The following SORCS2 variants were observed in gnomAD, a reference collection of about 807,000 sequenced individuals.
SORCS2 encodes VPS10 domain-containing receptor SorCS2.
A neutral mutation model predicts 141.6 loss-of-function variants in SORCS2; 100 were observed. The observed-to-expected ratio is 0.71, with a 90% confidence interval of 0.60 to 0.83. The LOEUF (loss-of-function observed/expected upper bound fraction) is 0.83. Ranked by LOEUF, SORCS2 falls within the 40% of genes least tolerant of loss-of-function variation. The pLI, the probability that SORCS2 is intolerant of heterozygous loss-of-function variation, is 0.00. For synonymous variants in SORCS2, 789 were observed against 676.9 expected, an observed-to-expected ratio of 1.17 and a Z score of -2.57; for missense variants, 1,646 against 1,560.2, an observed-to-expected ratio of 1.05 and a Z score of -0.93.
chr4:7,516,026 G>A (rs78572297), intron 2 of SORCS2, among the ~76,000 whole-genome samples: 5,490 of 152,276 alleles, frequency 0.036, 309 homozygotes, highest in African/African-American at 0.12. Flanking sequence ...TCAAGTGGGC[G>A]TTAGCAGTAC....
intron 1 of SORCS2, among the ~76,000 whole-genome samples, chr4:7,299,628 A>T (rs916321314): frequency 3.3e-5 from 5 of 152,166 alleles, no homozygotes; most frequent in Non-Finnish European, 5.9e-5. Context: ...ATGGGAAGGG[A>T]GCACGTCTCA....
At chr4:7,433,507 T>C (rs758855606) in intron 2 of SORCS2, 2 of 1,603,066 alleles carry the variant, frequency 1.2e-6, no homozygotes, top group Non-Finnish European at 1.7e-6. Flanking sequence ...AGCCACGGGG[T>C]CCATCATGTC....
chr4:7,338,850 C>G (rs748858507), intron 1 of SORCS2, among the ~76,000 whole-genome samples: 17 of 152,224 alleles, frequency 1.1e-4, no homozygotes, highest in Non-Finnish European at 1.6e-4. Context: ...AAAGCTGTTG[C>G]TCCTGGGCCT....
In SORCS2 at chr4:7,665,283, G is replaced by A. The variant is rs560506934; in HGVS notation, c.1071+812G>A. Among the ~76,000 whole-genome samples the A allele has an allele frequency of 2.0e-5, 3 of 152,256 alleles. No homozygotes were observed. In the South Asian group the frequency reaches 6.2e-4, roughly 32 times the overall value. On this transcript the variant is annotated intron_variant, in intron 7 of 26. Transcript: ENST00000507866. ...TCAGTCTGTGCCAAGGGCCACCAAG[G>A]AGTTAGGCGCTAGGGCAGGCAGTGG...
At chr4:7,295,854 G>T (rs1717013828) in intron 1 of SORCS2, among the ~76,000 whole-genome samples, 1 of 152,236 alleles carries the variant, frequency 6.6e-6, no homozygotes, top group African/African-American at 2.4e-5. Flanking sequence ...GGCTGATGGA[G>T]CAGCATGCCC....
intron 1 of SORCS2, among the ~76,000 whole-genome samples, chr4:7,212,503 T>C (rs970872511): frequency 1.3e-5 from 2 of 152,224 alleles, no homozygotes; most frequent in Non-Finnish European, 2.9e-5. Context: ...CTAGGCGTTC[T>C]AACATAGGCA....
intron 10 of SORCS2, among the ~76,000 whole-genome samples, chr4:7,684,622 CAT>C (rs1433096051): frequency 5.3e-5 from 8 of 152,196 alleles, no homozygotes; most frequent in Non-Finnish European, 1.2e-4. Context: ...TCAGCTTCCT[CAT>C]GTGTAAAATA....
chr4:7,436,795 A>T (rs1727333767), intron 2 of SORCS2, among the ~76,000 whole-genome samples: 1 of 152,214 alleles, frequency 6.6e-6, no homozygotes, highest in Admixed American at 6.5e-5. Context: ...CTTGGGAGCC[A>T]GTAGAAGTAA....
At chr4:7,662,389 C>A (rs1214408345) in intron 6 of SORCS2, among the ~76,000 whole-genome samples, 2 of 152,100 alleles carry the variant, frequency 1.3e-5, no homozygotes, top group Non-Finnish European at 2.9e-5. Flanking sequence ...TGGGAATGCT[C>A]CTCCCTTTCT....
At chr4:7,667,342 C>T (rs186860747) in intron 8 of SORCS2, 129 bp downstream of exon 8, 120 of 811,720 alleles carry the variant, frequency 1.5e-4, no homozygotes, top group East Asian at 1.3e-3. Context: ...AGTGTGGCCA[C>T]GCTTCGTCCA....
chr4:7,298,665 G>A (rs1340967441), intron 1 of SORCS2, among the ~76,000 whole-genome samples: 1 of 152,178 alleles, frequency 6.6e-6, no homozygotes, highest in Non-Finnish European at 1.5e-5. Flanking sequence ...CAGCCATGCC[G>A]CTGGTGTCAT....
intron 2 of SORCS2, among the ~76,000 whole-genome samples, chr4:7,424,295 C>T (rs893756178): frequency 1.6e-4 from 24 of 152,166 alleles, no homozygotes; most frequent in African/African-American, 5.1e-4. Context: ...ATTGTAGATC[C>T]TTCAGGAAAC....
intron 14 of SORCS2, among the ~76,000 whole-genome samples, chr4:7,707,359 C>T (rs1274134785): frequency 4.6e-5 from 7 of 152,124 alleles, no homozygotes; most frequent in Non-Finnish European, 1.0e-4. Flanking sequence ...GGAAGCTGGA[C>T]GTCGGATTTA....
chr4:7,639,209 G>A (rs1377992503), intron 4 of SORCS2, among the ~76,000 whole-genome samples: 1 of 152,192 alleles, frequency 6.6e-6, no homozygotes, highest in Non-Finnish European at 1.5e-5. Context: ...AACTTATTCT[G>A]TCACAATTCT....
intron 2 of SORCS2, among the ~76,000 whole-genome samples, chr4:7,459,098 G>C (rs565390086): frequency 1.3e-5 from 2 of 152,232 alleles, no homozygotes; most frequent in Admixed American, 1.3e-4. Flanking sequence ...ACACTCTTCT[G>C]TGTGCGCAAA....
intron 1 of SORCS2, among the ~76,000 whole-genome samples, chr4:7,314,124 G>C (rs998769315): frequency 1.6e-4 from 25 of 152,234 alleles, no homozygotes; most frequent in African/African-American, 5.5e-4. Context: ...GCCTGGAGTC[G>C]GGATCCTCCC....
At chr4:7,383,032 A>G (rs1028614282) in intron 1 of SORCS2, among the ~76,000 whole-genome samples, 16 of 152,184 alleles carry the variant, frequency 1.1e-4, no homozygotes, top group African/African-American at 3.6e-4. Flanking sequence ...ATATTTTTTA[A>G]TGGAGGAAAA....
chr4:7,454,216 T>C (rs1447995409), intron 2 of SORCS2, among the ~76,000 whole-genome samples: 3 of 84,864 alleles, frequency 3.5e-5, no homozygotes, highest in African/African-American at 4.8e-5. Context: ...TGGGGTCAGG[T>C]GCTGTGTGTT....
intron 1 of SORCS2, among the ~76,000 whole-genome samples, chr4:7,392,769 A>G (rs1047898803): frequency 6.6e-6 from 1 of 151,792 alleles, no homozygotes; most frequent in African/African-American, 2.4e-5. Flanking sequence ...GTGCAAACCC[A>G]TAAAAGCCCT....
Sources: allele counts gnomAD v4.1 joint callset (sites outside exome capture counted in the v4.1 genomes callset), GRCh38; gene constraint gnomAD v4.1.1; transcripts MANE v1.5; gene names NCBI Gene and HGNC (gene_info 2026-07-23, HGNC 2026-07-21).